Variants in PLEKHA5 observed in about 807,000 individuals in gnomAD.
PLEKHA5 encodes pleckstrin homology domain-containing family A member 5.
A neutral mutation model predicts 181.9 loss-of-function variants in PLEKHA5; 55 were observed. The ratio of observed to expected loss-of-function variants is 0.30; its 90% confidence interval spans 0.24 to 0.38. PLEKHA5 has a LOEUF of 0.38. Ranked by LOEUF, PLEKHA5 falls within the 10% of genes least tolerant of loss-of-function variation. PLEKHA5 has a pLI of 1.00. For synonymous variants in PLEKHA5, 535 were observed against 529.4 expected, an observed-to-expected ratio of 1.01 and a Z score of -0.15; for missense variants, 1,432 against 1,549.5, an observed-to-expected ratio of 0.92 and a Z score of 1.27.
chr12:19,289,712 A>C (rs2152836938), intron 13 of PLEKHA5, among the ~76,000 whole-genome samples: 1 of 152,284 alleles, frequency 6.6e-6, no homozygotes, highest in South Asian at 2.1e-4. Context: ...AGGAACCAAA[A>C]AAAGGTTCTC....
intron 23 of PLEKHA5, among the ~76,000 whole-genome samples, chr12:19,346,738 T>C (rs1278136864): frequency 1.3e-5 from 2 of 152,212 alleles, no homozygotes; most frequent in Non-Finnish European, 2.9e-5. Context: ...AATAGTAATC[T>C]CTTTCAATGT....
chr12:19,313,579 T>C (rs2087393318), intron 15 of PLEKHA5, among the ~76,000 whole-genome samples: 1 of 152,138 alleles, frequency 6.6e-6, no homozygotes, highest in South Asian at 2.1e-4. Flanking sequence ...CTAAAATTTG[T>C]CAATTTATTC....
chr12:19,372,395 G>GTTTTTTTTTTTTTTTTTTTTTT lies in PLEKHA5; in HGVS notation c.*11+2602_*11+2603insTTTTTTTTTTTTTTTTTTTTTT, dbSNP rs34877323. 4 of 139,220 alleles carry GTTTTTTTTTTTTTTTTTTTTTT rather than the reference G, an allele frequency of 2.9e-5. 1 individual carries two copies. The highest frequency in any genetic ancestry group is 1.6e-5 in the Non-Finnish European group (1 of 64,112). The allele number at this position is 139,220 out of a possible 1,614,324, so 8.6% of individuals were successfully genotyped here. On this transcript the variant is annotated intron_variant, in intron 31 of 31. Coordinates refer to ENST00000429027, the MANE Select transcript of PLEKHA5 (RefSeq NM_001256470.2). ...TGCCCACTTTTTGATGGGATTATTTGTTTTTGTTTTTTTTTTCTTGCTGAT... is the reference window on the plus strand; with the variant it reads ...TGCCCACTTTTTGATGGGATTATTTGTTTTTTTTTTTTTTTTTTTTTTTTTTTGTTTTTTTTTTCTTGCTGAT...
chr12:19,353,461 T>C (rs967035400), intron 25 of PLEKHA5, among the ~76,000 whole-genome samples: 2 of 151,718 alleles, frequency 1.3e-5, no homozygotes, highest in Non-Finnish European at 2.9e-5. Flanking sequence ...CCAGCCTGAC[T>C]CTTTTTTTTT....
intron 3 of PLEKHA5, among the ~76,000 whole-genome samples, chr12:19,158,251 G>A (rs572574252): frequency 6.6e-6 from 1 of 152,128 alleles, no homozygotes; most frequent in African/African-American, 2.4e-5. Flanking sequence ...TACTCAGGAG[G>A]CTGAGGTAGG....
chr12:19,156,409 AT>A (rs374233258), intron 3 of PLEKHA5, among the ~76,000 whole-genome samples: 18 of 151,024 alleles, frequency 1.2e-4, no homozygotes, highest in East Asian at 1.2e-3. Flanking sequence ...TGAGAGACTG[AT>A]TTTTTTTTCA....
chr12:19,167,681 G>GAC (rs1397682150), intron 3 of PLEKHA5, among the ~76,000 whole-genome samples: 1 of 152,014 alleles, frequency 6.6e-6, no homozygotes, highest in Non-Finnish European at 1.5e-5. Context: ...AGTGAACATA[G>GAC]ACATGGTCGT....
intron 3 of PLEKHA5, among the ~76,000 whole-genome samples, chr12:19,193,104 T>A (rs1008355818): frequency 2.6e-5 from 4 of 152,314 alleles, no homozygotes; most frequent in Admixed American, 1.3e-4. Flanking sequence ...GACTTTTACA[T>A]TGTAGATTAG....
At chr12:19,310,266 C>G (rs1462886820) in intron 15 of PLEKHA5, among the ~76,000 whole-genome samples, 1 of 152,130 alleles carries the variant, frequency 6.6e-6, no homozygotes, top group African/African-American at 2.4e-5. Context: ...TTCTTGGATT[C>G]TTATATTCAA....
rs572481092 is a variant in PLEKHA5 at position 19,258,517 on chromosome 12, G to A, written c.537+980G>A. On this transcript the variant is annotated intron_variant, in intron 6 of 31. Transcript: ENST00000429027. ...ACCATCTGATATTTAAGCTTTCCAG[G>A]CTAAAAGGTTTTTGCACATTTAGTT... is the stretch of plus-strand genomic sequence containing the variant. Among the ~76,000 whole-genome samples the A allele has an allele frequency of 3.7e-3, 559 of 149,984 alleles. 4 individuals carry two copies. Among genetic ancestry groups the A allele is most frequent in the African/African-American group, 0.013 (537 of 41,030 alleles).
chr12:19,222,459 G>A (rs190149168), intron 3 of PLEKHA5, among the ~76,000 whole-genome samples: 21 of 152,084 alleles, frequency 1.4e-4, no homozygotes, highest in Admixed American at 1.0e-3. Flanking sequence ...ACATGCGGAC[G>A]CCTCACACTC....
At chr12:19,223,561 A>G (rs978379465) in intron 3 of PLEKHA5, among the ~76,000 whole-genome samples, 3 of 152,158 alleles carry the variant, frequency 2.0e-5, no homozygotes, top group Non-Finnish European at 2.9e-5. Context: ...TTCCCAAAGC[A>G]TGGTATACAT....
intron 31 of PLEKHA5, chr12:19,371,661 G>C (rs1247162658): frequency 6.3e-6 from 1 of 158,856 alleles, no homozygotes; most frequent in African/African-American, 2.4e-5. Context: ...TTATTGCTGA[G>C]TAGTATTCCA....
intron 16 of PLEKHA5, 108 bp from the exon 17 acceptor site, chr12:19,319,913 T>C: frequency 3.1e-6 from 2 of 647,186 alleles, no homozygotes; most frequent in Non-Finnish European, 5.0e-6. Flanking sequence ...AAACTTTTTA[T>C]GAAATTTGAC....
At position 19,350,545 on chromosome 12, in the gene PLEKHA5, C is replaced by T. The variant is rs371371196; in HGVS notation, c.3019+2026C>T. On this transcript the variant is annotated intron_variant, in intron 25 of 31. Coordinates refer to ENST00000429027, the MANE Select transcript of PLEKHA5 (RefSeq NM_001256470.2). ...CAGCATTTTGGAAGGCAGAGGCGGGCGGATCACAAGGTCAGGAGTTCAAGA... is the reference window on the plus strand; with the variant it reads ...CAGCATTTTGGAAGGCAGAGGCGGGTGGATCACAAGGTCAGGAGTTCAAGA... Among the ~76,000 whole-genome samples the T allele has an allele frequency of 8.5e-5, 13 of 152,118 alleles. 1 individual carries two copies. The South Asian group carries it at 1.2e-3, about 15-fold the overall frequency.
At chr12:19,189,293 G>A (rs2151938185) in intron 3 of PLEKHA5, among the ~76,000 whole-genome samples, 1 of 152,296 alleles carries the variant, frequency 6.6e-6, no homozygotes, top group South Asian at 2.1e-4. Flanking sequence ...GAAACAAGGA[G>A]AATAGTTAAG....
intron 3 of PLEKHA5, among the ~76,000 whole-genome samples, 183 bp from the exon 4 acceptor site, chr12:19,253,757 T>C (rs1210986456): frequency 6.6e-6 from 1 of 151,242 alleles, no homozygotes; most frequent in Admixed American, 6.6e-5. Context: ...AAGGCAGAGG[T>C]TGTAGTAAGC....
intron 28 of PLEKHA5, among the ~76,000 whole-genome samples, 196 bp from the exon 29 acceptor site, chr12:19,361,386 T>G (rs1235818440): frequency 1.3e-5 from 2 of 152,012 alleles, no homozygotes; most frequent in Non-Finnish European, 2.9e-5. Context: ...TGTTTCACCG[T>G]GTTAGCCAGG....
rs554011231 is a variant in PLEKHA5, at chr12:19,276,913, C to A, written c.1313+1930C>A. On this transcript the variant is annotated intron_variant, in intron 11 of 31. Coordinates refer to ENST00000429027, the MANE Select transcript of PLEKHA5 (RefSeq NM_001256470.2). Reference sequence around the variant, plus strand: ...TTGTCAATTTTCTTTAAAAAGGAAACTGGCAGATGCTCAAATTTACCAGTA... The same window carrying A: ...TTGTCAATTTTCTTTAAAAAGGAAAATGGCAGATGCTCAAATTTACCAGTA... Among the ~76,000 whole-genome samples the A allele has an allele frequency of 4.1e-4, 63 of 152,188 alleles. 1 individual carries two copies. The highest frequency in any genetic ancestry group is 2.0e-3 in the Admixed American group (31 of 15,282).
Sources: gnomAD v4.1 joint callset for allele counts (sites outside exome capture counted in the v4.1 genomes callset) on GRCh38, gnomAD v4.1.1 for gene constraint, MANE v1.5 for transcripts, NCBI Gene and HGNC (gene_info 2026-07-23, HGNC 2026-07-21) for gene names.